The following NELL1 variants were observed in gnomAD, a reference collection of about 807,000 sequenced individuals.
NELL1 encodes the protein neural EGFL like 1, also known as protein kinase C-binding protein NELL1.
NELL1 carries 76 observed loss-of-function variants against 107.4 expected under a neutral mutation model. The observed-to-expected ratio is 0.71, with a 90% CI of 0.59 to 0.86. The LOEUF (loss-of-function observed/expected upper bound fraction) is 0.86, where lower values mean the gene tolerates loss of function less well. Ranked by LOEUF, NELL1 falls within the 40% of genes least tolerant of loss-of-function variation. The pLI, the probability that NELL1 is intolerant of heterozygous loss-of-function variation, is 0.00. For missense variants in NELL1, 1,024 were observed against 1,005.5 expected, an observed-to-expected ratio of 1.02 and a Z score of -0.25; for synonymous variants, 353 against 341.2, an observed-to-expected ratio of 1.03 and a Z score of -0.38.
At chr11:21,224,158 A>G (rs780798028) in intron 13 of NELL1, among the ~76,000 whole-genome samples, 26 of 152,170 alleles carry the variant, frequency 1.7e-4, no homozygotes, top group Non-Finnish European at 2.6e-4. Context: ...CTTGGGTTAC[A>G]TTTATTTGGG....
rs543291792 is a variant in NELL1 at position 21,207,947 on chromosome 11, T to C, written c.1427-21385T>C. ...AGTTATACAACATGATGTTATGGGATACACATAGATCATAAAAAGGTTACA... is the reference window on the plus strand; with the variant it reads ...AGTTATACAACATGATGTTATGGGACACACATAGATCATAAAAAGGTTACA... On this transcript the variant is annotated intron_variant, in intron 13 of 19. Coordinates refer to ENST00000357134, the MANE Select transcript of NELL1 (RefSeq NM_006157.5). Among the ~76,000 whole-genome samples, 7 of 152,324 alleles carry C rather than the reference T, an allele frequency of 4.6e-5. No individual in the cohort carries two copies. The East Asian group carries it at 1.4e-3, about 29-fold the overall frequency.
intron 16 of NELL1, among the ~76,000 whole-genome samples, chr11:21,547,845 T>A (rs1406241133): frequency 6.6e-6 from 1 of 151,912 alleles, no homozygotes; most frequent in African/African-American, 2.4e-5. Context: ...TGAAGAACAG[T>A]GAGGTCTGAA....
intron 12 of NELL1, among the ~76,000 whole-genome samples, chr11:20,971,803 A>C (rs1166357589): frequency 1.3e-5 from 2 of 152,204 alleles, no homozygotes; most frequent in Non-Finnish European, 2.9e-5. Context: ...AATTGCTATA[A>C]AGAAAATGTA....
chr11:21,015,482 T>C (rs1482554035), intron 12 of NELL1, among the ~76,000 whole-genome samples: 1 of 152,124 alleles, frequency 6.6e-6, no homozygotes, highest in Non-Finnish European at 1.5e-5. Context: ...ACAATGTATT[T>C]GCCTTTCAAG....
intron 15 of NELL1, among the ~76,000 whole-genome samples, chr11:21,406,502 A>G (rs1210799688): frequency 2.3e-4 from 35 of 152,026 alleles, no homozygotes; most frequent in Non-Finnish European, 1.5e-5. Context: ...CAAAACATAA[A>G]ATGAAATAAG....
chr11:21,151,252 GTTGT>G (rs1338992137), intron 13 of NELL1, among the ~76,000 whole-genome samples: 3 of 152,128 alleles, frequency 2.0e-5, no homozygotes, highest in Admixed American at 1.3e-4. Flanking sequence ...TGCTTCATTT[GTTGT>G]TTGTTTATTT....
intron 15 of NELL1, among the ~76,000 whole-genome samples, chr11:21,486,784 A>G (rs1854644901): frequency 6.6e-6 from 1 of 152,156 alleles, no homozygotes; most frequent in Non-Finnish European, 1.5e-5. Context: ...ATTTTTAAAA[A>G]GAAGCAGAAA....
At chr11:21,172,044 T>C (rs997075229) in intron 13 of NELL1, among the ~76,000 whole-genome samples, 5 of 151,870 alleles carry the variant, frequency 3.3e-5, no homozygotes, top group Non-Finnish European at 7.3e-5. Flanking sequence ...GCCCAAACAA[T>C]TGTGTTTCAA....
chr11:20,759,788 G>A (rs1856378929), intron 2 of NELL1, among the ~76,000 whole-genome samples: 1 of 152,210 alleles, frequency 6.6e-6, no homozygotes. Context: ...AGACAGAGGT[G>A]TCCTCCCCAC....
chr11:20,770,205 T>C (rs976362620), intron 2 of NELL1, among the ~76,000 whole-genome samples: 4 of 152,124 alleles, frequency 2.6e-5, no homozygotes, highest in African/African-American at 9.7e-5. Context: ...GGTGGGAAAT[T>C]GGTTGAGAAA....
chr11:21,160,557 G>C (rs191098226), intron 13 of NELL1, among the ~76,000 whole-genome samples: 1 of 152,176 alleles, frequency 6.6e-6, no homozygotes, highest in African/African-American at 2.4e-5. Context: ...TTAGCATTTT[G>C]TATTTTTCTG....
At chr11:21,039,450 T>A (rs920899000) in intron 12 of NELL1, among the ~76,000 whole-genome samples, 1 of 152,150 alleles carries the variant, frequency 6.6e-6, no homozygotes, top group African/African-American at 2.4e-5. Flanking sequence ...CCTCCCAAAG[T>A]GCTGGGATTA....
At chr11:21,165,564 C>G in intron 13 of NELL1, among the ~76,000 whole-genome samples, 1 of 149,268 alleles carries the variant, frequency 6.7e-6, no homozygotes, top group African/African-American at 2.6e-5. Flanking sequence ...TGCAATCCCA[C>G]CCCTAGGTGT....
intron 2 of NELL1, among the ~76,000 whole-genome samples, chr11:20,743,158 G>A (rs1855929515): frequency 6.6e-6 from 1 of 152,020 alleles, no homozygotes; most frequent in South Asian, 2.1e-4. Context: ...TTCGAGATCA[G>A]CCTGGCCAAC....
chr11:21,060,455 G>A (rs1853712278), intron 12 of NELL1, among the ~76,000 whole-genome samples: 1 of 152,102 alleles, frequency 6.6e-6, no homozygotes, highest in South Asian at 2.1e-4. Context: ...TCATTATTAT[G>A]GGGGATTGTC....
At chr11:21,520,754 C>G (rs1855705383) in intron 15 of NELL1, among the ~76,000 whole-genome samples, 1 of 152,062 alleles carries the variant, frequency 6.6e-6, no homozygotes, top group South Asian at 2.1e-4. Flanking sequence ...CGGCCCCTCC[C>G]CATGCACCTG....
At chr11:21,161,882 G>T (rs1856377836) in intron 13 of NELL1, among the ~76,000 whole-genome samples, 2 of 150,694 alleles carry the variant, frequency 1.3e-5, no homozygotes, top group South Asian at 4.2e-4. Context: ...TGTGGCTAAT[G>T]GCTGCCATAT....
intron 3 of NELL1, among the ~76,000 whole-genome samples, chr11:20,835,680 G>A (rs936748011): frequency 5.3e-5 from 8 of 152,176 alleles, no homozygotes; most frequent in Non-Finnish European, 1.0e-4. Flanking sequence ...TGGAAAAAAC[G>A]TTCTTTTCTT....
At chr11:21,037,406 C>T (rs1853122236) in intron 12 of NELL1, among the ~76,000 whole-genome samples, 1 of 152,004 alleles carries the variant, frequency 6.6e-6, no homozygotes, top group Admixed American at 6.6e-5. Flanking sequence ...GACCTTGAAA[C>T]TGTCAGTGTA....
Sources: gnomAD v4.1 joint callset for allele counts (sites outside exome capture counted in the v4.1 genomes callset) on GRCh38, gnomAD v4.1.1 for gene constraint, MANE v1.5 for transcripts, NCBI Gene and HGNC (gene_info 2026-07-23, HGNC 2026-07-21) for gene names.